Variants in STK32B observed in about 807,000 individuals in gnomAD.
The protein encoded by STK32B is serine/threonine-protein kinase 32B.
A neutral mutation model predicts 52.6 loss-of-function variants in STK32B; 43 were observed. The observed-to-expected ratio is 0.82, with a 90% CI of 0.64 to 1.05. The LOEUF (loss-of-function observed/expected upper bound fraction) is 1.05, where lower values mean the gene tolerates loss of function less well. Ranked by LOEUF, STK32B falls within the 50% of genes least tolerant of loss-of-function variation. The pLI is 0.00. For missense variants in STK32B, 621 were observed against 534.6 expected (o/e 1.16, Z -1.59); for synonymous variants, 238 against 204.3 (o/e 1.17, Z -1.41).
At chr4:5,266,123 G>T (rs778864431) in intron 3 of STK32B, among the ~76,000 whole-genome samples, 1 of 152,098 alleles carries the variant, frequency 6.6e-6, no homozygotes, top group Non-Finnish European at 1.5e-5. Context: ...GTAAGTTTAG[G>T]ATTTAAACCA....
At chr4:5,276,642 A>G (rs73084035) in intron 3 of STK32B, among the ~76,000 whole-genome samples, 17,794 of 151,772 alleles carry the variant, frequency 0.12, 2,834 homozygotes, top group African/African-American at 0.37. Context: ...AATTGTGTCT[A>G]TTTTTCATAA....
At chr4:5,284,471 T>G (rs946401708) in intron 3 of STK32B, among the ~76,000 whole-genome samples, 1 of 151,804 alleles carries the variant, frequency 6.6e-6, no homozygotes, top group Non-Finnish European at 1.5e-5. Context: ...GTTCGTATGG[T>G]TTTTTTTGTC....
chr4:5,249,500 T>TCCC, intron 3 of STK32B, among the ~76,000 whole-genome samples: 33 of 137,914 alleles, frequency 2.4e-4, no homozygotes, highest in Non-Finnish European at 3.2e-4. Flanking sequence ...CCTTCCTTCC[T>TCCC]TCCTCCCTCC....
intron 3 of STK32B, among the ~76,000 whole-genome samples, chr4:5,307,691 G>C (rs6823210): frequency 0.067 from 10,135 of 151,986 alleles, 594 homozygotes; most frequent in African/African-American, 0.16. Context: ...GAGTGTTAGA[G>C]AACCTTGTTT....
chr4:5,304,444 A>G (rs764916888), intron 3 of STK32B, among the ~76,000 whole-genome samples: 4 of 143,726 alleles, frequency 2.8e-5, no homozygotes, highest in Non-Finnish European at 6.1e-5. Flanking sequence ...TTTTGCAGCT[A>G]TTATAAAAGG....
intron 11 of STK32B, among the ~76,000 whole-genome samples, chr4:5,496,880 ATAT>A (rs919672948): frequency 2.0e-5 from 3 of 152,106 alleles, no homozygotes; most frequent in African/African-American, 7.2e-5. Context: ...TTCTTCATAG[ATAT>A]TATGTCAGAC....
chr4:5,121,204 C>A (rs931870631), intron 1 of STK32B, among the ~76,000 whole-genome samples: 2 of 152,172 alleles, frequency 1.3e-5, no homozygotes, highest in Non-Finnish European at 2.9e-5. Flanking sequence ...TGAATTACTT[C>A]AAATAATGGC....
In STK32B at chr4:5,156,332, A is replaced by G. The variant is rs146751228; in HGVS notation, c.109-11967A>G. On this transcript the variant is annotated intron_variant, in intron 2 of 11. Transcript: ENST00000282908. ...GAATGAAGAACTTAACAATTAACCA[A>G]TCAACAGATACGATTTTGACACATG... Among the ~76,000 whole-genome samples, 467 of 152,242 alleles carry G rather than the reference A, an allele frequency of 3.1e-3. 4 individuals carry two copies. Among genetic ancestry groups the G allele is most frequent in the African/African-American group, 0.011 (437 of 41,544 alleles).
At chr4:5,360,135 G>C (rs536630423) in intron 4 of STK32B, among the ~76,000 whole-genome samples, 1 of 152,096 alleles carries the variant, frequency 6.6e-6, no homozygotes, top group African/African-American at 2.4e-5. Context: ...ATAACCCGCC[G>C]TATACCTCTT....
intron 11 of STK32B, among the ~76,000 whole-genome samples, chr4:5,494,871 A>T (rs1020754656): frequency 6.6e-5 from 10 of 152,162 alleles, no homozygotes; most frequent in Non-Finnish European, 1.5e-4. Flanking sequence ...CTGGGTTGAA[A>T]ATTCTTTTCT....
intron 4 of STK32B, among the ~76,000 whole-genome samples, chr4:5,369,229 C>G (rs890763014): frequency 5.3e-5 from 8 of 151,794 alleles, no homozygotes; most frequent in African/African-American, 1.9e-4. Context: ...GGGTAGAGAA[C>G]CACACCCTAA....
intron 5 of STK32B, among the ~76,000 whole-genome samples, chr4:5,407,448 G>C (rs2109058360): frequency 6.6e-6 from 1 of 152,130 alleles, no homozygotes; most frequent in African/African-American, 2.4e-5. Context: ...TCCCACTACT[G>C]GTACCAATTT....
chr4:5,105,154 T>G (rs1246859389), intron 1 of STK32B, among the ~76,000 whole-genome samples: 1 of 152,182 alleles, frequency 6.6e-6, no homozygotes, highest in African/African-American at 2.4e-5. Context: ...CATTGCAGTT[T>G]TGATTTACAT....
intron 1 of STK32B, among the ~76,000 whole-genome samples, chr4:5,099,597 T>G (rs1078887): frequency 0.37 from 56,638 of 151,932 alleles, 11,227 homozygotes; most frequent in Middle Eastern, 0.47. Flanking sequence ...GTAGACAGAA[T>G]CTTTGTGATG....
intron 3 of STK32B, among the ~76,000 whole-genome samples, chr4:5,233,445 T>C (rs780820471): frequency 7.9e-5 from 12 of 152,100 alleles, no homozygotes; most frequent in Non-Finnish European, 1.5e-4. Flanking sequence ...GGACAGCTGA[T>C]ATACTGGAAT....
chr4:5,143,924 G>C (rs935799413), intron 2 of STK32B, among the ~76,000 whole-genome samples: 1 of 152,154 alleles, frequency 6.6e-6, no homozygotes, highest in Non-Finnish European at 1.5e-5. Context: ...AGGATGTTGT[G>C]ATGTCAATGA....
intron 3 of STK32B, among the ~76,000 whole-genome samples, chr4:5,229,931 G>C (rs937197980): frequency 6.6e-6 from 1 of 151,952 alleles, no homozygotes; most frequent in Non-Finnish European, 1.5e-5. Context: ...GAAGTTCTGA[G>C]AACAATCTGA....
chr4:5,285,612 C>T (rs1050298061), intron 3 of STK32B, among the ~76,000 whole-genome samples: 1 of 152,130 alleles, frequency 6.6e-6, no homozygotes, highest in African/African-American at 2.4e-5. Flanking sequence ...AACTTGTATG[C>T]TCCTCACATA....
At chr4:5,451,385 T>C (rs1249370805) in intron 7 of STK32B, among the ~76,000 whole-genome samples, 2 of 152,176 alleles carry the variant, frequency 1.3e-5, no homozygotes, top group African/African-American at 4.8e-5. Flanking sequence ...GGGGACAGTC[T>C]ATAAAGGACC....
Sources: allele counts gnomAD v4.1 joint callset (sites outside exome capture counted in the v4.1 genomes callset), GRCh38; gene constraint gnomAD v4.1.1; transcripts MANE v1.5; gene names NCBI Gene and HGNC (gene_info 2026-07-23, HGNC 2026-07-21).